The following CNTN4 variants were observed in gnomAD, a reference collection of about 807,000 sequenced individuals.
CNTN4 encodes contactin-4.
In CNTN4, 77 loss-of-function variants were observed where a neutral mutation model predicts 122.5. The ratio of observed to expected loss-of-function variants is 0.63; its 90% confidence interval spans 0.52 to 0.76. The LOEUF is 0.76. Ranked by LOEUF, CNTN4 falls within the 30% of genes least tolerant of loss-of-function variation. The pLI is 0.00. For synonymous variants in CNTN4, 512 were observed against 447.0 expected, an observed-to-expected ratio of 1.15 and a Z score of -1.83; for missense variants, 1,256 against 1,259.1, an observed-to-expected ratio of 1.00 and a Z score of 0.04.
intron 3 of CNTN4, among the ~76,000 whole-genome samples, chr3:2,378,803 A>G (rs1216111854): frequency 1.3e-5 from 2 of 152,054 alleles, no homozygotes; most frequent in Admixed American, 1.3e-4. Flanking sequence ...TCCCTTGTGA[A>G]TCAGCCATAG....
chr3:3,050,490 A>G (rs1701147482), intron 23 of CNTN4, among the ~76,000 whole-genome samples: 1 of 152,066 alleles, frequency 6.6e-6, no homozygotes, highest in Non-Finnish European at 1.5e-5. Context: ...GAGGCCGGGC[A>G]CGGTGGCTCA....
intron 3 of CNTN4, among the ~76,000 whole-genome samples, chr3:2,357,700 C>G (rs1390171462): frequency 1.3e-5 from 2 of 152,280 alleles, no homozygotes; most frequent in Middle Eastern, 3.4e-3. Context: ...TATTAAGGAC[C>G]TTTCCAGTGA....
Position 2,539,330 on chromosome 3 carries a change from G to A in CNTN4, c.-88-32086G>A, listed in dbSNP as rs115411352. The stretch of plus-strand genomic sequence containing the variant: ...TGTCCTTTATCAGGTGAATGCTTTC[G>A]CTGTTGATATGAACCTCATCTTTCC... On this transcript the variant is annotated intron_variant, in intron 3 of 24. Coordinates refer to ENST00000418658, the MANE Select transcript of CNTN4 (RefSeq NM_175607.3). Among the ~76,000 whole-genome samples, 103 of 152,062 alleles carry A rather than the reference G, an allele frequency of 6.8e-4. 1 individual carries two copies. Among genetic ancestry groups the A allele is most frequent in the African/African-American group, 2.3e-3 (95 of 41,518 alleles).
chr3:2,785,150 G>C (rs2320964), intron 6 of CNTN4, among the ~76,000 whole-genome samples: 1 of 102,854 alleles, frequency 9.7e-6, no homozygotes. Context: ...TATATATAGA[G>C]AGAGAGAGAG....
chr3:2,261,666 A>G (rs1436251073), intron 2 of CNTN4, among the ~76,000 whole-genome samples: 1 of 152,204 alleles, frequency 6.6e-6, no homozygotes, highest in African/African-American at 2.4e-5. Context: ...AAACGGTTCT[A>G]AAATTCTATG....
In CNTN4 at chr3:2,636,376, A is replaced by G. The variant is rs144233986; in HGVS notation, c.55+64818A>G. Among the ~76,000 whole-genome samples the G allele has an allele frequency of 1.3e-3, 197 of 152,324 alleles. 2 individuals carry two copies. Among genetic ancestry groups the G allele is most frequent in the African/African-American group, 4.5e-3 (188 of 41,562 alleles). On this transcript the variant is annotated intron_variant, in intron 4 of 24. Coordinates refer to ENST00000418658, the MANE Select transcript of CNTN4 (RefSeq NM_175607.3). ...TGCTTATGTAAATTAGACATAGAAG[A>G]TAGAATATTTATTGCCTATAGGGGC...
chr3:2,911,854 G>A (rs1411923878), intron 12 of CNTN4, among the ~76,000 whole-genome samples: 1 of 152,080 alleles, frequency 6.6e-6, no homozygotes, highest in African/African-American at 2.4e-5. Context: ...AAAATAATCA[G>A]CAATTCAAAG....
At chr3:2,149,802 ACAGGTTGTGTAGTTG>A (rs1486846913) in intron 2 of CNTN4, among the ~76,000 whole-genome samples, 2 of 152,152 alleles carry the variant, frequency 1.3e-5, no homozygotes, top group Non-Finnish European at 2.9e-5. Context: ...TTGTGCAACT[ACAGGTTGTGTAGTTG>A]CAGGTTGTGT....
chr3:2,125,097 C>G (rs1057040596), intron 2 of CNTN4, among the ~76,000 whole-genome samples: 2 of 151,990 alleles, frequency 1.3e-5, no homozygotes, highest in Admixed American at 1.3e-4. Context: ...CCCTTTGTAC[C>G]CTTGAACAAT....
At chr3:2,348,333 A>G (rs1284534413) in intron 3 of CNTN4, among the ~76,000 whole-genome samples, 5 of 152,190 alleles carry the variant, frequency 3.3e-5, no homozygotes, top group African/African-American at 9.6e-5. Context: ...GGCCATTTGC[A>G]TCATTTTTCT....
At chr3:2,416,944 G>A (rs1359098307) in intron 3 of CNTN4, among the ~76,000 whole-genome samples, 3 of 152,080 alleles carry the variant, frequency 2.0e-5, no homozygotes, top group African/African-American at 4.8e-5. Context: ...GTGAGCCACC[G>A]CGCCCGGCCC....
chr3:2,475,240 G>A (rs78167010), intron 3 of CNTN4, among the ~76,000 whole-genome samples: 1,601 of 152,296 alleles, frequency 0.011, 29 homozygotes, highest in African/African-American at 0.036. Flanking sequence ...CTGCTATCAT[G>A]TTGAGGAAGA....
At chr3:2,218,248 G>C (rs1190224317) in intron 2 of CNTN4, among the ~76,000 whole-genome samples, 2 of 152,136 alleles carry the variant, frequency 1.3e-5, no homozygotes, top group African/African-American at 4.8e-5. Context: ...TGTACAAGTA[G>C]TAACAGATGA....
intron 24 of CNTN4, among the ~76,000 whole-genome samples, chr3:3,054,660 G>A (rs1020315883): frequency 6.6e-6 from 1 of 152,188 alleles, no homozygotes; most frequent in African/African-American, 2.4e-5. Context: ...AATCCGTGGA[G>A]ACAGAAGTGA....
chr3:2,697,244 A>G (rs1218761391), intron 4 of CNTN4, among the ~76,000 whole-genome samples: 1 of 152,234 alleles, frequency 6.6e-6, no homozygotes, highest in Non-Finnish European at 1.5e-5. Flanking sequence ...GTACTAGCTA[A>G]GTGCTGTGGG....
intron 3 of CNTN4, among the ~76,000 whole-genome samples, chr3:2,366,382 T>G (rs1403481051): frequency 6.6e-6 from 1 of 152,210 alleles, no homozygotes; most frequent in African/African-American, 2.4e-5. Flanking sequence ...GATTAAAAAC[T>G]TATGCCCATT....
At chr3:2,645,160 A>G (rs2083065339) in intron 4 of CNTN4, among the ~76,000 whole-genome samples, 1 of 152,052 alleles carries the variant, frequency 6.6e-6, no homozygotes, top group South Asian at 2.1e-4. Context: ...AGTCTGTGTG[A>G]AAGCATTAAG....
intron 3 of CNTN4, among the ~76,000 whole-genome samples, chr3:2,406,478 A>T (rs2047041893): frequency 6.6e-6 from 1 of 152,236 alleles, no homozygotes; most frequent in Non-Finnish European, 1.5e-5. Flanking sequence ...CATTGGTAAA[A>T]TCCAAGTAAA....
chr3:2,109,364 A>G (rs2032758264), intron 2 of CNTN4, among the ~76,000 whole-genome samples: 1 of 152,182 alleles, frequency 6.6e-6, no homozygotes, highest in Non-Finnish European at 1.5e-5. Context: ...ATTATTAATC[A>G]TTATTCCATA....
Sources: allele counts gnomAD v4.1 joint callset (sites outside exome capture counted in the v4.1 genomes callset), GRCh38; gene constraint gnomAD v4.1.1; transcripts MANE v1.5; gene names NCBI Gene and HGNC (gene_info 2026-07-23, HGNC 2026-07-21).